The following LARS2 variants were observed in gnomAD, a reference collection of about 807,000 sequenced individuals.
The protein encoded by LARS2 is leucine--tRNA ligase, mitochondrial.
In LARS2, 81 loss-of-function variants were observed where a neutral mutation model predicts 116.6. The observed-to-expected ratio is 0.69, with a 90% CI of 0.58 to 0.84. The LOEUF (loss-of-function observed/expected upper bound fraction) is 0.84. LARS2 is among the 40% of genes least tolerant of loss of function. The pLI is 0.00. For synonymous variants in LARS2, 396 were observed against 407.2 expected (o/e 0.97, Z 0.33); for missense variants, 968 against 1,114.5 (o/e 0.87, Z 1.87).
At chr3:45,439,219 T>TC (rs1698860910) in intron 6 of LARS2, among the ~76,000 whole-genome samples, 1 of 113,116 alleles carries the variant, frequency 8.8e-6, no homozygotes, top group African/African-American at 3.5e-5. Context: ...GCTTTTTTTT[T>TC]TTTTTTTTTT....
At position 45,438,463 on chromosome 3, in the gene LARS2, T is replaced by C. The variant is rs567845878; in HGVS notation, c.517-8428T>C. On this transcript the variant is annotated intron_variant, in intron 6 of 21. Transcript: ENST00000645846. The stretch of plus-strand genomic sequence containing the variant: ...TCACCATCCCTGCCTCTCAGACCAC[T>C]GCGGGAATGGTCTGAGAGGCAGGCA... Among the ~76,000 whole-genome samples, 363 of 151,932 alleles carry C rather than the reference T, an allele frequency of 2.4e-3. 2 individuals are homozygous for C. Among genetic ancestry groups the C allele is most frequent in the African/African-American group, 8.1e-3 (337 of 41,480 alleles).
intron 7 of LARS2, among the ~76,000 whole-genome samples, chr3:45,454,348 A>G: frequency 6.6e-6 from 1 of 152,178 alleles, no homozygotes; most frequent in East Asian, 1.9e-4. Context: ...TATGAGGTGC[A>G]TTTTTAAAAT....
chr3:45,516,071 C>A, intron 16 of LARS2, 23 bp from the exon 17 acceptor site: 1 of 1,603,724 alleles, frequency 6.2e-7, no homozygotes. Flanking sequence ...CATACCATAC[C>A]TATGGATTAT....
At chr3:45,544,237 G>A (rs1428065344) in intron 21 of LARS2, among the ~76,000 whole-genome samples, 4 of 152,218 alleles carry the variant, frequency 2.6e-5, no homozygotes, top group African/African-American at 7.2e-5. Context: ...AAGAGCTACC[G>A]CCTTGTCACC....
At chr3:45,389,637 G>C (rs934049817) in intron 1 of LARS2, among the ~76,000 whole-genome samples, 1 of 152,212 alleles carries the variant, frequency 6.6e-6, no homozygotes, top group Admixed American at 6.5e-5. Flanking sequence ...TGATTCTTTG[G>C]AAGGTTGTGG....
At chr3:45,508,779 CCAAT>C (rs144818748) in intron 15 of LARS2, among the ~76,000 whole-genome samples, 2,015 of 151,998 alleles carry the variant, frequency 0.013, 34 homozygotes, top group African/African-American at 0.046. Flanking sequence ...CTTAACATGG[CCAAT>C]CAATCAATGT....
chr3:45,526,640 A>G (rs543919906), intron 20 of LARS2, among the ~76,000 whole-genome samples: 5 of 152,226 alleles, frequency 3.3e-5, no homozygotes, highest in South Asian at 4.1e-4. Flanking sequence ...AGATTTTGCA[A>G]TGGTGACTCG....
At chr3:45,471,914 CT>C (rs1699533020) in intron 8 of LARS2, among the ~76,000 whole-genome samples, 3 of 152,122 alleles carry the variant, frequency 2.0e-5, no homozygotes, top group African/African-American at 7.2e-5. Flanking sequence ...TCAAGATCTA[CT>C]TTTGCTACAA....
chr3:45,419,801 C>G lies in LARS2; in HGVS notation c.516+72C>G, dbSNP rs542353601. 95 of 1,262,528 alleles carry G rather than the reference C, an allele frequency of 7.5e-5. No individual in the cohort carries two copies. In the South Asian group the frequency reaches 1.1e-3, roughly 14 times the overall value. 78.2% of individuals were successfully genotyped at this position (1,262,528 alleles called of 1,614,324 possible). ...TTGATGGCAGGGAGCACTCTTCTTC[C>G]TCTTTGAGTTGGGAGAAGGCAAGGG... On this transcript the variant is annotated intron_variant, in intron 6 of 21. Transcript: ENST00000645846.
At chr3:45,500,729 G>A in intron 15 of LARS2, 150 bp downstream of exon 15, 1 of 598,276 alleles carries the variant, frequency 1.7e-6, no homozygotes, top group Non-Finnish European at 2.8e-6. Flanking sequence ...ATCATTTGAG[G>A]TCCATTTATA....
chr3:45,458,616 G>C, intron 7 of LARS2, 127 bp from the exon 8 acceptor site: 1 of 845,594 alleles, frequency 1.2e-6, no homozygotes, highest in South Asian at 1.7e-5. Context: ...GAACCTAGGA[G>C]GTGGAGGTTG....
At position 45,540,746 on chromosome 3, in the gene LARS2, GTCTATCTATCTATCTA is replaced by G. The variant is rs3085493; in HGVS notation, c.2405-1041_2405-1026del. Among the ~76,000 whole-genome samples the G allele has an allele frequency of 1.7e-3, 257 of 149,224 alleles. 1 individual carries two copies. Among genetic ancestry groups the G allele is most frequent in the African/African-American group, 4.8e-3 (192 of 40,166 alleles). On this transcript the variant is annotated intron_variant, in intron 20 of 21. Coordinates refer to ENST00000645846, the MANE Select transcript of LARS2 (RefSeq NM_015340.4). ...AACAGAGGCTTGCATGTATCTATCT[GTCTATCTATCTATCTA>G]TCTATCTATCTATCTATCTATCTAT...
intron 11 of LARS2, among the ~76,000 whole-genome samples, chr3:45,486,731 A>G (rs1033703293): frequency 2.9e-4 from 44 of 152,360 alleles, no homozygotes; most frequent in African/African-American, 1.0e-3. Flanking sequence ...TTAAAGAAAT[A>G]ATTCCTTCTG....
In LARS2 at chr3:45,502,425, C is replaced by T. The variant is rs569245723; in HGVS notation, c.1760+1846C>T. Reference sequence around the variant, plus strand: ...ATCTTTCCTTTATGGCTACTGCTTTCGGTGTGTCAGTACTGTTAATGGAAT... The same window carrying T: ...ATCTTTCCTTTATGGCTACTGCTTTTGGTGTGTCAGTACTGTTAATGGAAT... On this transcript the variant is annotated intron_variant, in intron 15 of 21. Transcript: ENST00000645846. Among the ~76,000 whole-genome samples the T allele has an allele frequency of 2.6e-3, 395 of 152,132 alleles. 2 individuals carry two copies. Among genetic ancestry groups the T allele is most frequent in the African/African-American group, 9.0e-3 (374 of 41,518 alleles).
chr3:45,484,630 A>AAAAAAAATATATATATATATAT (rs1553634443), intron 10 of LARS2, among the ~76,000 whole-genome samples: 1 of 9,746 alleles, frequency 1.0e-4, no homozygotes, highest in African/African-American at 1.8e-4. Context: ...AAAAAAAAAA[A>AAAAAAAATATATATATATATAT]ATATATATAT....
chr3:45,519,384 G>A (rs544626679), intron 18 of LARS2, among the ~76,000 whole-genome samples: 10 of 150,866 alleles, frequency 6.6e-5, no homozygotes, highest in African/African-American at 2.2e-4. Flanking sequence ...CCAGCTACTC[G>A]GGAGGCTGAA....
intron 4 of LARS2, among the ~76,000 whole-genome samples, chr3:45,407,804 T>A (rs1698255507): frequency 6.6e-6 from 1 of 152,180 alleles, no homozygotes; most frequent in Admixed American, 6.5e-5. Flanking sequence ...GTTGGCCCTT[T>A]CATAGTAACA....
intron 6 of LARS2, among the ~76,000 whole-genome samples, chr3:45,435,364 C>G (rs961938870): frequency 6.6e-6 from 1 of 152,188 alleles, no homozygotes; most frequent in African/African-American, 2.4e-5. Context: ...TCCTGTGACA[C>G]CACCCTGGTA....
At chr3:45,429,859 AC>A (rs1698663149) in intron 6 of LARS2, among the ~76,000 whole-genome samples, 1 of 148,972 alleles carries the variant, frequency 6.7e-6, no homozygotes, top group Non-Finnish European at 1.5e-5. Flanking sequence ...CTGCCACCAC[AC>A]CCAGCTGATT....
Sources: allele counts gnomAD v4.1 joint callset (sites outside exome capture counted in the v4.1 genomes callset), GRCh38; gene constraint gnomAD v4.1.1; transcripts MANE v1.5; gene names NCBI Gene and HGNC (gene_info 2026-07-23, HGNC 2026-07-21).